Variants in DNAJC6 observed in about 807,000 individuals in gnomAD.
DNAJC6 encodes DnaJ heat shock protein family (Hsp40) member C6, also known as auxilin.
DNAJC6 carries 34 observed loss-of-function variants against 110.0 expected under a neutral mutation model. The ratio of observed to expected loss-of-function variants is 0.31; its 90% CI spans 0.24 to 0.41. The LOEUF (loss-of-function observed/expected upper bound fraction) is 0.41, where lower values mean the gene tolerates loss of function less well. Ranked by LOEUF, DNAJC6 falls within the 10% of genes least tolerant of loss-of-function variation. The pLI is 1.00. For missense variants in DNAJC6, 1,031 were observed against 1,207.8 expected, an observed-to-expected ratio of 0.85 and a Z score of 2.17; for synonymous variants, 406 against 437.2, an observed-to-expected ratio of 0.93 and a Z score of 0.89.
intron 1 of DNAJC6, among the ~76,000 whole-genome samples, chr1:65,271,696 GTC>G (rs1340095247): frequency 6.6e-6 from 1 of 151,806 alleles, no homozygotes; most frequent in African/African-American, 2.4e-5. Context: ...GTGAAACCCT[GTC>G]TCTACTAAAA....
chr1:65,293,912 A>G (rs1252700949), intron 1 of DNAJC6, among the ~76,000 whole-genome samples: 1 of 152,166 alleles, frequency 6.6e-6, no homozygotes, highest in Non-Finnish European at 1.5e-5. Context: ...TTCCTTGAAA[A>G]CATGTTTACC....
chr1:65,269,477 G>T (rs893358762), intron 1 of DNAJC6, among the ~76,000 whole-genome samples: 2 of 152,054 alleles, frequency 1.3e-5, no homozygotes, highest in African/African-American at 4.8e-5. Flanking sequence ...AGACTTTTAG[G>T]CTCTAAATAT....
intron 5 of DNAJC6, among the ~76,000 whole-genome samples, chr1:65,381,653 C>A (rs953520651): frequency 6.6e-6 from 1 of 151,998 alleles, no homozygotes; most frequent in Non-Finnish European, 1.5e-5. Flanking sequence ...GGCTACATAT[C>A]CAAGAGCCAT....
At chr1:65,304,867 A>G (rs770856301), upstream of DNAJC6, among the ~76,000 whole-genome samples, 1 of 152,238 alleles carries the variant, frequency 6.6e-6, no homozygotes, top group African/African-American at 2.4e-5. Context: ...ACTGGAGCCT[A>G]TATACCCTCT....
At chr1:65,299,726 G>C (rs1368276556) in intron 1 of DNAJC6, among the ~76,000 whole-genome samples, 92 of 152,246 alleles carry the variant, frequency 6.0e-4, no homozygotes, top group Non-Finnish European at 1.8e-4. Flanking sequence ...ACATGAACTT[G>C]TAATTCCCAG....
At chr1:65,386,334 G>A (rs1645871972) in intron 7 of DNAJC6, among the ~76,000 whole-genome samples, 3 of 152,188 alleles carry the variant, frequency 2.0e-5, no homozygotes, top group Admixed American at 2.0e-4. Context: ...TGGTCATAGG[G>A]GATGTGGAGA....
At chr1:65,365,262 A>G (rs1385157556) in intron 2 of DNAJC6, among the ~76,000 whole-genome samples, 1 of 152,174 alleles carries the variant, frequency 6.6e-6, no homozygotes, top group Non-Finnish European at 1.5e-5. Context: ...ACATTTATTC[A>G]GTGAGAGAAG....
chr1:65,314,229 G>A (rs1645128214), intron 1 of DNAJC6, among the ~76,000 whole-genome samples: 1 of 151,234 alleles, frequency 6.6e-6, no homozygotes, highest in Non-Finnish European at 1.5e-5. Context: ...TAAGGATAAT[G>A]AACAATGCTA....
chr1:65,405,448 T>TG (rs1164485810), intron 15 of DNAJC6, among the ~76,000 whole-genome samples: 1 of 152,204 alleles, frequency 6.6e-6, no homozygotes. Context: ...TCTTGTCATT[T>TG]GGTGGTTTTT....
chr1:65,303,916 A>G (rs1645013732), intron 1 of DNAJC6, among the ~76,000 whole-genome samples: 1 of 152,164 alleles, frequency 6.6e-6, no homozygotes, highest in Non-Finnish European at 1.5e-5. Context: ...GGAATGACCT[A>G]AATGTCCTTC....
intron 1 of DNAJC6, among the ~76,000 whole-genome samples, chr1:65,354,926 G>A (rs936347236): frequency 8.6e-5 from 13 of 151,786 alleles, no homozygotes; most frequent in South Asian, 2.1e-4. Flanking sequence ...CTCCATTTCC[G>A]GGCCATGGTT....
intron 1 of DNAJC6, among the ~76,000 whole-genome samples, chr1:65,330,323 T>A (rs574131235): frequency 6.6e-6 from 1 of 152,364 alleles, no homozygotes; most frequent in South Asian, 2.1e-4. Flanking sequence ...ACCAGGAACA[T>A]GTTGCAATCC....
intron 1 of DNAJC6, among the ~76,000 whole-genome samples, chr1:65,320,038 A>C (rs1645183968): frequency 6.6e-6 from 1 of 152,214 alleles, no homozygotes; most frequent in East Asian, 1.9e-4. Flanking sequence ...CTTAGTTCTC[A>C]GTCTGCTGCA....
intron 1 of DNAJC6, among the ~76,000 whole-genome samples, chr1:65,284,673 G>A (rs1653956451): frequency 6.6e-6 from 1 of 151,426 alleles, no homozygotes; most frequent in Non-Finnish European, 1.5e-5. Flanking sequence ...AAATTATTTT[G>A]TTCTGGACTC....
intron 1 of DNAJC6, among the ~76,000 whole-genome samples, chr1:65,362,107 A>G (rs1321804404): frequency 7.9e-6 from 1 of 127,316 alleles, no homozygotes; most frequent in East Asian, 2.5e-4. Context: ...TGACAAATAT[A>G]AAATTCAGGC....
chr1:65,387,720 C>T (rs1390657495), intron 8 of DNAJC6, among the ~76,000 whole-genome samples: 1 of 152,054 alleles, frequency 6.6e-6, no homozygotes, highest in Non-Finnish European at 1.5e-5. Flanking sequence ...AGTTGGTGAA[C>T]ATTTGGGATA....
chr1:65,313,724 T>C (rs1317916186), intron 1 of DNAJC6, among the ~76,000 whole-genome samples: 1 of 152,220 alleles, frequency 6.6e-6, no homozygotes, highest in Non-Finnish European at 1.5e-5. Flanking sequence ...ATGTAATGGC[T>C]TTCTAAGTCA....
chr1:65,282,051 G>A (rs1024154114), intron 1 of DNAJC6, among the ~76,000 whole-genome samples: 1 of 152,144 alleles, frequency 6.6e-6, no homozygotes, highest in South Asian at 2.1e-4. Flanking sequence ...TCAGCCACCC[G>A]TGAAGCTGGG....
chr1:65,287,673 G>A (rs561564313), intron 1 of DNAJC6, among the ~76,000 whole-genome samples: 2 of 152,116 alleles, frequency 1.3e-5, no homozygotes, highest in East Asian at 3.9e-4. Flanking sequence ...GCACAATCAG[G>A]GCTCACTGCA....
Sources: gnomAD v4.1 joint callset for allele counts (sites outside exome capture counted in the v4.1 genomes callset) on GRCh38, gnomAD v4.1.1 for gene constraint, MANE v1.5 for transcripts, NCBI Gene and HGNC (gene_info 2026-07-23, HGNC 2026-07-21) for gene names.